ZNF718: variants seen among roughly 807,000 people sequenced by gnomAD.
ZNF718 encodes the protein zinc finger protein 718.
A neutral mutation model predicts 2.6 loss-of-function variants in ZNF718; 3 were observed. The ratio of observed to expected loss-of-function variants is 1.16; its 90% CI spans 0.53 to 3.01. The LOEUF (loss-of-function observed/expected upper bound fraction) is 3.01. Among genes scored for constraint, ZNF718 ranks in the 30% most tolerant of loss-of-function variants. The pLI is 0.03. For missense variants in ZNF718, 468 were observed against 230.0 expected (o/e 2.03, Z -6.69); for synonymous variants, 135 against 77.9 (o/e 1.73, Z -3.86).
intron 3 of ZNF718, among the ~76,000 whole-genome samples, chr4:192,224 G>C (rs1399323891): frequency 7.9e-5 from 12 of 152,242 alleles, no homozygotes; most frequent in African/African-American, 2.9e-4. Flanking sequence ...GTGTGCAGTT[G>C]CAAATTTAAT....
chr4:124,503 C>A lies in ZNF718; in HGVS notation c.-168C>A. 1.1e-6 allele frequency: 1 copy of A among 923,742 alleles called. No individual in the cohort carries two copies. Among genetic ancestry groups the A allele is most frequent in the Non-Finnish European group, 1.7e-6 (1 of 586,148 alleles). 57.2% of individuals were successfully genotyped at this position (923,742 alleles called of 1,614,324 possible). ...GTGCGGCATCCGGGATCTGGCGCGG[C>A]TTTTGCTTGTAGCTCCAGCCAGAGC... is the stretch of plus-strand genomic sequence containing the variant. On this transcript the variant is annotated 5_prime_UTR_variant, in exon 1 of 4. Transcript: ENST00000510175.
chr4:136,057 G>A (rs1715558317), intron 3 of ZNF718, among the ~76,000 whole-genome samples: 1 of 152,072 alleles, frequency 6.6e-6, no homozygotes, highest in African/African-American at 2.4e-5. Context: ...TGCTTTTGAT[G>A]GTTGTGTTAC....
intron 3 of ZNF718, among the ~76,000 whole-genome samples, chr4:181,158 CTTTTTTTTTTT>C (rs782164295): frequency 2.5e-4 from 13 of 51,088 alleles, no homozygotes; most frequent in East Asian, 4.8e-4. Flanking sequence ...CAGTGCCCAG[CTTTTTTTTTTT>C]TTTTTTTTTT....
intron 3 of ZNF718, among the ~76,000 whole-genome samples, chr4:196,499 A>T (rs1717795123): frequency 6.6e-6 from 1 of 152,178 alleles, no homozygotes; most frequent in African/African-American, 2.4e-5. Flanking sequence ...GAGGAAATAG[A>T]TACAGAGGTA....
intron 3 of ZNF718, among the ~76,000 whole-genome samples, chr4:180,267 A>G (rs1553819630): frequency 6.6e-6 from 1 of 152,226 alleles, no homozygotes; most frequent in African/African-American, 2.4e-5. Context: ...GTTGTCTAAC[A>G]ATATTTTACT....
In ZNF718 at chr4:131,962, G is replaced by A. The variant is rs1468849867; in HGVS notation, c.226+457G>A. On this transcript the variant is annotated intron_variant, in intron 3 of 3. Coordinates refer to ENST00000510175, the MANE Select transcript of ZNF718 (RefSeq NM_001039127.6). ...CAGGAGGCTGAGGCAGGAGAATGGC[G>A]TGAACCCAGGAGTCGGAGCTTGCAG... Among the ~76,000 whole-genome samples, 5 of 100,160 alleles carry A rather than the reference G, an allele frequency of 5.0e-5. 2 individuals are homozygous for A. The highest frequency in any genetic ancestry group is 1.7e-4 in the African/African-American group (5 of 28,596). The allele number at this position is 100,160 out of a possible 152,430, so 65.7% of individuals were successfully genotyped here.
At chr4:142,709 C>A (rs1715866860) in intron 3 of ZNF718, among the ~76,000 whole-genome samples, 1 of 151,984 alleles carries the variant, frequency 6.6e-6, no homozygotes, top group African/African-American at 2.4e-5. Context: ...ATTGACTAAA[C>A]AAAGAGGTAC....
chr4:164,290 A>C (rs1462256311), downstream of ZNF718, among the ~76,000 whole-genome samples: 4 of 152,102 alleles, frequency 2.6e-5, no homozygotes, highest in South Asian at 8.3e-4. Context: ...ATTGTAGACC[A>C]AGCAATTGTG....
chr4:154,027 T>C (rs1485546463), intron 3 of ZNF718, among the ~76,000 whole-genome samples: 17 of 152,176 alleles, frequency 1.1e-4, no homozygotes, highest in African/African-American at 3.1e-4. Flanking sequence ...AATTAAGTCA[T>C]GGGGGCAGTT....
chr4:134,420 A>G (rs1318170773), intron 3 of ZNF718, among the ~76,000 whole-genome samples: 6 of 152,220 alleles, frequency 3.9e-5, no homozygotes, highest in African/African-American at 1.2e-4. Flanking sequence ...TGGGGATTAC[A>G]GGCGTGAGCC....
intron 3 of ZNF718, among the ~76,000 whole-genome samples, chr4:146,623 TA>T (rs534705833): frequency 2.4e-4 from 36 of 151,984 alleles, no homozygotes; most frequent in African/African-American, 6.5e-4. Context: ...CTTTAAACAA[TA>T]AAAAAAAGTT....
At chr4:146,527 GTTC>G (rs1553811379) in intron 3 of ZNF718, among the ~76,000 whole-genome samples, 1 of 151,948 alleles carries the variant, frequency 6.6e-6, no homozygotes. Context: ...TTTTTATCAA[GTTC>G]TTCTTGCTAC....
chr4:195,133 G>A (rs1220330012), intron 3 of ZNF718, among the ~76,000 whole-genome samples: 2 of 152,148 alleles, frequency 1.3e-5, no homozygotes, highest in African/African-American at 4.8e-5. Flanking sequence ...TAACAACCCA[G>A]CTGCCCCATC....
Position 179,482 on chromosome 4 carries a change from C to A in ZNF718, c.227-21599C>A, listed in dbSNP as rs911414711. ...TTTGTGCATCACTGAGTAGTATTGACAGCTTAACAATACTAAGTCTCCTGA... is the reference window on the plus strand; with the variant it reads ...TTTGTGCATCACTGAGTAGTATTGAAAGCTTAACAATACTAAGTCTCCTGA... On this transcript the variant is annotated intron_variant and NMD_transcript_variant, in intron 3 of 4. Transcript: ENST00000642529. 2.6e-5 allele frequency among the ~76,000 whole-genome samples: 4 copies of A among 152,132 alleles called. No individual in the cohort carries two copies. The South Asian group carries it at 8.3e-4, about 31-fold the overall frequency.
At position 163,325 on chromosome 4, in the gene ZNF718, A is replaced by G. The variant is rs1168542827; in HGVS notation, c.*1203A>G. 1 of 151,604 alleles carries G rather than the reference A, an allele frequency of 6.6e-6. No individual in the cohort carries two copies. Among genetic ancestry groups the G allele is most frequent in the Non-Finnish European group, 1.5e-5 (1 of 67,746 alleles). The allele number at this position is 151,604 out of a possible 1,614,324, so 9.4% of individuals were successfully genotyped here. ...TGCCTCAGCCTCCCAAGTAGCTGGG[A>G]CTACAGGCGCCCGCCACTACGCCCG... On this transcript the variant is annotated 3_prime_UTR_variant, in exon 4 of 4. Transcript: ENST00000510175.
At chr4:197,375 G>A (rs1396856798) in intron 3 of ZNF718, among the ~76,000 whole-genome samples, 6 of 152,118 alleles carry the variant, frequency 3.9e-5, no homozygotes, top group Non-Finnish European at 8.8e-5. Flanking sequence ...CACAAAGCTT[G>A]GGTCAGAACT....
chr4:133,830 T>G (rs1178391644), intron 3 of ZNF718, among the ~76,000 whole-genome samples: 1 of 152,222 alleles, frequency 6.6e-6, no homozygotes, highest in Non-Finnish European at 1.5e-5. Flanking sequence ...TACAGTATAA[T>G]GATTTGATAT....
At chr4:138,458 G>A (rs570888487) in intron 3 of ZNF718, among the ~76,000 whole-genome samples, 4 of 152,044 alleles carry the variant, frequency 2.6e-5, no homozygotes, top group Non-Finnish European at 4.4e-5. Flanking sequence ...AAGATGATGG[G>A]ATCTTGTTCT....
chr4:195,025 A>G (rs2108817711), intron 3 of ZNF718, among the ~76,000 whole-genome samples: 1 of 152,286 alleles, frequency 6.6e-6, no homozygotes, highest in African/African-American at 2.4e-5. Context: ...AAAGGGGTCC[A>G]GGCTGCTGGA....
Sources: gnomAD v4.1 joint callset for allele counts (sites outside exome capture counted in the v4.1 genomes callset) on GRCh38, gnomAD v4.1.1 for gene constraint, MANE v1.5 for transcripts, NCBI Gene and HGNC (gene_info 2026-07-23, HGNC 2026-07-21) for gene names.